Variants in ADARB2 observed in about 807,000 individuals in gnomAD.
The protein encoded by ADARB2 is inactive double-stranded RNA-specific editase B2.
ADARB2 carries 25 observed loss-of-function variants against 62.2 expected under a neutral mutation model. The ratio of observed to expected loss-of-function variants is 0.40; its 90% CI spans 0.29 to 0.56. The LOEUF (loss-of-function observed/expected upper bound fraction) is 0.56, where lower values mean the gene tolerates loss of function less well. Among genes scored for constraint, ADARB2 ranks in the 20% least tolerant of loss-of-function variants. The pLI is 0.43. For missense variants in ADARB2, 1,071 were observed against 1,077.4 expected (o/e 0.99, Z 0.08); for synonymous variants, 572 against 500.8 (o/e 1.14, Z -1.90).
Position 1,217,011 on chromosome 10 carries a change from C to A in ADARB2, c.1622G>T (p.Trp541Leu). The A allele has an allele frequency of 6.2e-7, 1 of 1,611,394 alleles. No homozygotes were observed. Among genetic ancestry groups the A allele is most frequent in the Non-Finnish European group, 8.5e-7 (1 of 1,179,716 alleles). ...CTGCTCCCCCAGCAGGACGCCGTCC[C>A]AGGTCTGCACTGCGCTGGGGCCACG... Reference protein sequence around the residue: ...PVRGPSAVQTWDGVLLGEQLI... With the variant: ...PVRGPSAVQTLDGVLLGEQLI... The change falls in exon 7 of 10, where the codon TGG becomes TTG. Residue 541 changes from tryptophan (W) to leucine (L), a missense_variant. Transcript: ENST00000381312.
chr10:1,187,815 G>C (rs997679194), intron 8 of ADARB2: 1 of 425,326 alleles, frequency 2.4e-6, no homozygotes, highest in Non-Finnish European at 4.8e-6. Context: ...GGGCTGCGGG[G>C]TCGTCCAGCC....
At chr10:1,258,114 C>T (rs1011134123) in intron 4 of ADARB2, among the ~76,000 whole-genome samples, 20 of 152,088 alleles carry the variant, frequency 1.3e-4, no homozygotes, top group Non-Finnish European at 2.9e-5. Flanking sequence ...TTTCCTAGCT[C>T]TCTCTTTTTC....
At chr10:1,227,761 G>T (rs984454713) in intron 6 of ADARB2, among the ~76,000 whole-genome samples, 2 of 152,190 alleles carry the variant, frequency 1.3e-5, no homozygotes, top group Admixed American at 6.5e-5. Context: ...CCACAGGCAT[G>T]AGAAAAGAAG....
intron 1 of ADARB2, among the ~76,000 whole-genome samples, chr10:1,689,066 A>G (rs920355629): frequency 6.6e-6 from 1 of 152,216 alleles, no homozygotes; most frequent in Non-Finnish European, 1.5e-5. Context: ...AGAAAGGCAG[A>G]TTTGTTAGAG....
intron 4 of ADARB2, among the ~76,000 whole-genome samples, chr10:1,259,257 AAC>A (rs1370472118): frequency 1.3e-5 from 2 of 152,180 alleles, no homozygotes; most frequent in African/African-American, 4.8e-5. Context: ...AGCAAGAGCA[AAC>A]ACATTCAAAA....
intron 1 of ADARB2, among the ~76,000 whole-genome samples, chr10:1,730,080 T>C (rs1835213008): frequency 6.6e-6 from 1 of 152,210 alleles, no homozygotes; most frequent in Non-Finnish European, 1.5e-5. Context: ...GGGCATAAGA[T>C]TCACTCCATC....
chr10:1,485,554 G>A (rs1831530469), intron 1 of ADARB2, among the ~76,000 whole-genome samples: 2 of 152,124 alleles, frequency 1.3e-5, no homozygotes, highest in African/African-American at 2.4e-5. Context: ...CAGTGGGTGG[G>A]GGCAGAAGAG....
At chr10:1,547,414 CACTAT>C (rs1832539655) in intron 1 of ADARB2, among the ~76,000 whole-genome samples, 4 of 71,994 alleles carry the variant, frequency 5.6e-5, no homozygotes, top group African/African-American at 2.1e-4. Flanking sequence ...CTGGCGTATG[CACTAT>C]GGGGAGGGGG....
intron 1 of ADARB2, among the ~76,000 whole-genome samples, chr10:1,631,108 C>T (rs1833837394): frequency 6.6e-6 from 1 of 152,214 alleles, no homozygotes; most frequent in Admixed American, 6.5e-5. Context: ...AGTGCCCCAA[C>T]AGTGAGTTCC....
chr10:1,191,285 G>A (rs1242963290), intron 8 of ADARB2, among the ~76,000 whole-genome samples: 1 of 152,264 alleles, frequency 6.6e-6, no homozygotes, highest in Non-Finnish European at 1.5e-5. Flanking sequence ...CCAGAGAGCA[G>A]TTCTGTGCCA....
chr10:1,395,591 G>A (rs910920877), intron 1 of ADARB2, among the ~76,000 whole-genome samples: 6 of 152,294 alleles, frequency 3.9e-5, no homozygotes, highest in South Asian at 2.1e-4. Context: ...CTGCCTCCTC[G>A]GCGCCTCCAG....
At chr10:1,475,367 G>T (rs1429019244) in intron 1 of ADARB2, among the ~76,000 whole-genome samples, 3 of 152,192 alleles carry the variant, frequency 2.0e-5, no homozygotes, top group Non-Finnish European at 4.4e-5. Context: ...TCTGTTTCAG[G>T]TGCTGTGACG....
chr10:1,666,579 C>T (rs972952075), intron 1 of ADARB2, among the ~76,000 whole-genome samples: 1 of 152,244 alleles, frequency 6.6e-6, no homozygotes, highest in African/African-American at 2.4e-5. Flanking sequence ...GGGTATCCAG[C>T]GTCCTCCTGC....
intron 7 of ADARB2, among the ~76,000 whole-genome samples, chr10:1,203,449 C>T (rs879817827): frequency 3.9e-5 from 6 of 152,234 alleles, no homozygotes; most frequent in Non-Finnish European, 7.3e-5. Flanking sequence ...TCCGCCGTGA[C>T]GCGGCCCTGT....
intron 1 of ADARB2, among the ~76,000 whole-genome samples, chr10:1,646,496 T>C (rs969744100): frequency 6.6e-6 from 1 of 152,174 alleles, no homozygotes; most frequent in Non-Finnish European, 1.5e-5. Flanking sequence ...TGATGACTAT[T>C]GGGAAGGGCA....
chr10:1,722,289 C>A (rs1266326102), intron 1 of ADARB2, among the ~76,000 whole-genome samples: 1 of 152,188 alleles, frequency 6.6e-6, no homozygotes, highest in Non-Finnish European at 1.5e-5. Flanking sequence ...AGATTTATTT[C>A]TGTAATCTAC....
chr10:1,718,653 C>A (rs7919119), intron 1 of ADARB2, among the ~76,000 whole-genome samples: 5 of 151,996 alleles, frequency 3.3e-5, no homozygotes, highest in Non-Finnish European at 5.9e-5. Flanking sequence ...CTGAGCATCC[C>A]TAAAGCAGGG....
At chr10:1,620,304 T>G (rs1290506147) in intron 1 of ADARB2, among the ~76,000 whole-genome samples, 1 of 152,028 alleles carries the variant, frequency 6.6e-6, no homozygotes, top group Non-Finnish European at 1.5e-5. Flanking sequence ...GAAGAAACAT[T>G]ATCACCAATC....
In ADARB2 at chr10:1,242,189, C is replaced by T. The variant is rs763776977; in HGVS notation, c.1303G>A (p.Val435Ile). Residue 435 changes from valine to isoleucine, a missense_variant, in exon 5 of 10, where the codon GTC (valine) becomes ATC (isoleucine). Coordinates refer to ENST00000381312, the MANE Select transcript of ADARB2 (RefSeq NM_018702.4). ...TGCAGGAACGCCCGCCGGGCCACGA[C>T]CTCCGCGTGGCAGTCATTCACCACC... Reference protein sequence around the residue: ...GLVVNDCHAEVVARRAFLHFL... With the variant: ...GLVVNDCHAEIVARRAFLHFL... The T allele has an allele frequency of 1.9e-6, 3 of 1,610,816 alleles. No homozygotes were observed. Among genetic ancestry groups the T allele is most frequent in the South Asian group, 1.1e-5 (1 of 90,842 alleles).
Sources: allele counts gnomAD v4.1 joint callset (sites outside exome capture counted in the v4.1 genomes callset), GRCh38; gene constraint gnomAD v4.1.1; transcripts MANE v1.5; gene names NCBI Gene and HGNC (gene_info 2026-07-23, HGNC 2026-07-21).